The following ABCG2 variants were observed in gnomAD, a reference collection of about 807,000 sequenced individuals.
ABCG2 encodes the protein ATP binding cassette subfamily G member 2 (JR blood group).
Under a neutral mutation model 73.5 loss-of-function variants are expected in ABCG2, and 80 were observed. That is an observed-to-expected ratio of 1.09 (90% CI 0.91 to 1.31). ABCG2 has a LOEUF of 1.31. ABCG2 is among the 50% of genes most tolerant of loss of function. The pLI, the probability that ABCG2 is intolerant of heterozygous loss-of-function variation, is 0.00. For synonymous variants in ABCG2, 269 were observed against 282.4 expected, an observed-to-expected ratio of 0.95 and a Z score of 0.48; for missense variants, 796 against 786.2, an observed-to-expected ratio of 1.01 and a Z score of -0.15.
chr4:88,190,227 T>C (rs1468098401), intron 1 of ABCG2, among the ~76,000 whole-genome samples: 1 of 152,196 alleles, frequency 6.6e-6, no homozygotes, highest in Admixed American at 6.5e-5. Flanking sequence ...AGTTCTTCCT[T>C]CCTTCTCTTT....
At chr4:88,220,680 A>G (rs1729982834) in intron 1 of ABCG2, 1 of 152,370 alleles carries the variant, frequency 6.6e-6, no homozygotes, top group Admixed American at 6.5e-5. Context: ...CCCTACCCAA[A>G]TCTCATCTTG....
chr4:88,097,396 G>A (rs944200142), intron 13 of ABCG2, 57 bp downstream of exon 13: 58 of 1,587,678 alleles, frequency 3.7e-5, no homozygotes, highest in Middle Eastern at 1.7e-4. Context: ...TGAATGTGCA[G>A]GAAGAAATGA....
intron 1 of ABCG2, among the ~76,000 whole-genome samples, chr4:88,221,470 A>G (rs1030787468): frequency 5.3e-5 from 8 of 152,214 alleles, no homozygotes; most frequent in Admixed American, 6.5e-5. Flanking sequence ...AGAAGACAGG[A>G]AAATGTGGGA....
At chr4:88,221,632 G>A (rs1302552390) in intron 1 of ABCG2, among the ~76,000 whole-genome samples, 1 of 152,180 alleles carries the variant, frequency 6.6e-6, no homozygotes, top group Non-Finnish European at 1.5e-5. Context: ...CTCAGATGGA[G>A]ATGAGGAACT....
intron 7 of ABCG2, 55 bp from the exon 8 acceptor site, chr4:88,115,113 G>C: frequency 7.8e-7 from 1 of 1,274,078 alleles, no homozygotes; most frequent in Non-Finnish European, 1.1e-6. Flanking sequence ...AAAACAAAGA[G>C]AACTCACTTT....
intron 1 of ABCG2, among the ~76,000 whole-genome samples, chr4:88,154,517 A>T (rs1283410507): frequency 1.3e-5 from 2 of 152,314 alleles, no homozygotes; most frequent in Non-Finnish European, 2.9e-5. Flanking sequence ...TAGATGTGGA[A>T]GATACTATAG....
intron 1 of ABCG2, among the ~76,000 whole-genome samples, chr4:88,202,354 T>TATATATATATAGATATATA (rs1553945717): frequency 1.6e-5 from 1 of 62,086 alleles, no homozygotes; most frequent in African/African-American, 5.2e-5. Context: ...CTACAATTAT[T>TATATATATATAGATATATA]TATATATATA....
chr4:88,124,153 C>G (rs1196311130), intron 5 of ABCG2, among the ~76,000 whole-genome samples: 3 of 152,184 alleles, frequency 2.0e-5, no homozygotes, highest in Admixed American at 6.5e-5. Context: ...TTCAAGAGTT[C>G]CTCAAGGAAG....
chr4:88,225,711 A>G (rs913953441), intron 1 of ABCG2, among the ~76,000 whole-genome samples: 4 of 152,170 alleles, frequency 2.6e-5, no homozygotes, highest in Non-Finnish European at 5.9e-5. Flanking sequence ...GCTTTTCCCT[A>G]CTGCCTTAGT....
chr4:88,153,673 A>G (rs1726708502), intron 1 of ABCG2, among the ~76,000 whole-genome samples: 1 of 152,108 alleles, frequency 6.6e-6, no homozygotes, highest in African/African-American at 2.4e-5. Context: ...TATGTCTGAC[A>G]GAAGGGAAGA....
chr4:88,193,411 G>A (rs1319800841), intron 1 of ABCG2, among the ~76,000 whole-genome samples: 1 of 152,082 alleles, frequency 6.6e-6, no homozygotes, highest in African/African-American at 2.4e-5. Context: ...TTCTCACAAG[G>A]TTTTTGTGCT....
intron 5 of ABCG2, among the ~76,000 whole-genome samples, chr4:88,130,253 G>A (rs1035133959): frequency 7.9e-5 from 12 of 152,048 alleles, no homozygotes; most frequent in Admixed American, 6.6e-4. Context: ...CCACCTGTCA[G>A]GTCAGTGGCG....
chr4:88,122,309 C>T (rs575566297), intron 5 of ABCG2, among the ~76,000 whole-genome samples: 65 of 150,314 alleles, frequency 4.3e-4, no homozygotes, highest in African/African-American at 4.4e-4. Flanking sequence ...AATGCCAGCG[C>T]GACAAAACTG....
At chr4:88,224,893 C>T (rs955315399) in intron 1 of ABCG2, among the ~76,000 whole-genome samples, 6 of 152,098 alleles carry the variant, frequency 3.9e-5, no homozygotes, top group Non-Finnish European at 8.8e-5. Flanking sequence ...CAATGTTATT[C>T]TTTTGCATGT....
intron 11 of ABCG2, among the ~76,000 whole-genome samples, chr4:88,100,227 C>T (rs1266834324): frequency 1.3e-5 from 2 of 150,114 alleles, no homozygotes; most frequent in Non-Finnish European, 2.9e-5. Context: ...CGCCCCGGTG[C>T]AGTGGCTCAC....
chr4:88,123,236 A>T (rs2110025217), intron 5 of ABCG2, among the ~76,000 whole-genome samples: 1 of 152,310 alleles, frequency 6.6e-6, no homozygotes, highest in East Asian at 1.9e-4. Context: ...CCTGTGCAAA[A>T]AGGCAGAATG....
At position 88,097,643 on chromosome 4, in the gene ABCG2, G is replaced by T. The variant is rs771445116; in HGVS notation, c.1493-36C>A. On this transcript the variant is annotated intron_variant, in intron 12 of 15. Transcript: ENST00000237612. ...AAGAGAAGAAGTAGTTAACCCAACT[G>T]CCTAGGTCACCGTATGTTTGGGATT... 8.7e-6 allele frequency: 14 copies of T among 1,604,878 alleles called. No homozygotes were observed. The African/African-American group carries it at 1.9e-4, about 22-fold the overall frequency.
chr4:88,099,501 G>A, intron 11 of ABCG2, 53 bp from the exon 12 acceptor site: 1 of 1,529,306 alleles, frequency 6.5e-7, no homozygotes, highest in Non-Finnish European at 8.8e-7. Context: ...AGAAGCCACA[G>A]GGCAGGCTAG....
At chr4:88,132,533 A>G in intron 3 of ABCG2, 43 bp downstream of exon 3, 1 of 1,605,322 alleles carries the variant, frequency 6.2e-7, no homozygotes, top group Non-Finnish European at 8.5e-7. Flanking sequence ...AAAGCACATT[A>G]AAAGTGCACA....
Sources: allele counts gnomAD v4.1 joint callset (sites outside exome capture counted in the v4.1 genomes callset), GRCh38; gene constraint gnomAD v4.1.1; transcripts MANE v1.5; gene names NCBI Gene and HGNC (gene_info 2026-07-23, HGNC 2026-07-21).